Variants in PCBP3 observed in about 807,000 individuals in gnomAD.
The protein encoded by PCBP3 is poly(rC)-binding protein 3.
PCBP3 carries 25 observed loss-of-function variants against 52.7 expected under a neutral mutation model. The ratio of observed to expected loss-of-function variants is 0.47; its 90% CI spans 0.35 to 0.66. PCBP3 has a LOEUF of 0.66. Among genes scored for constraint, PCBP3 ranks in the 30% least tolerant of loss-of-function variants. The pLI is 0.01. For missense variants in PCBP3, 391 were observed against 490.3 expected (o/e 0.80, Z 1.91); for synonymous variants, 162 against 183.0 (o/e 0.89, Z 0.93).
chr21:45,669,194 C>T (rs769093374), intron 2 of PCBP3, among the ~76,000 whole-genome samples: 6 of 152,054 alleles, frequency 3.9e-5, no homozygotes, highest in Non-Finnish European at 7.4e-5. Context: ...CATGCTCTCT[C>T]TTATATTTCT....
At chr21:45,687,603 C>G (rs1326068505) in intron 2 of PCBP3, among the ~76,000 whole-genome samples, 1 of 151,794 alleles carries the variant, frequency 6.6e-6, no homozygotes, top group Non-Finnish European at 1.5e-5. Context: ...AAGGCAAAGA[C>G]AGGATAAAAA....
intron 4 of PCBP3, chr21:45,760,100 G>T (rs1024000525): frequency 6.6e-6 from 1 of 152,074 alleles, no homozygotes; most frequent in Admixed American, 6.5e-5. Flanking sequence ...AGGAATTATA[G>T]AAAAATAAAT....
intron 10 of PCBP3, among the ~76,000 whole-genome samples, chr21:45,910,264 T>C (rs2096358732): frequency 7.8e-6 from 1 of 127,676 alleles, no homozygotes; most frequent in African/African-American, 3.0e-5. Flanking sequence ...CACCTATGGA[T>C]CCTGCCCACC....
intron 4 of PCBP3, among the ~76,000 whole-genome samples, chr21:45,770,385 T>A (rs1398665810): frequency 6.6e-6 from 1 of 152,212 alleles, no homozygotes; most frequent in African/African-American, 2.4e-5. Flanking sequence ...TTCTTTTCCT[T>A]CTTGTCTCTG....
chr21:45,761,601 T>A (rs2088667016), intron 4 of PCBP3: 1 of 152,308 alleles, frequency 6.6e-6, no homozygotes, highest in Non-Finnish European at 1.5e-5. Flanking sequence ...CAGTCTGGCG[T>A]CTCTCTTTCA....
intron 4 of PCBP3, among the ~76,000 whole-genome samples, chr21:45,806,520 CT>C (rs2092507222): frequency 6.6e-6 from 1 of 151,752 alleles, no homozygotes; most frequent in African/African-American, 2.4e-5. Flanking sequence ...TATTTTTACT[CT>C]AGAATTATGC....
Position 45,870,479 on chromosome 21 carries a change from C to A in PCBP3, c.10+20384C>A, listed in dbSNP as rs533514718. On this transcript the variant is annotated intron_variant, in intron 5 of 17. Coordinates refer to ENST00000681687, the MANE Select transcript of PCBP3 (RefSeq NM_001384156.1). Reference sequence around the variant, plus strand: ...ACCCTTCCTAGGGCAGCAGGGAGGCCGGGAGCTGCGTCTCCTGCTTCCCTC... The same window carrying A: ...ACCCTTCCTAGGGCAGCAGGGAGGCAGGGAGCTGCGTCTCCTGCTTCCCTC... Among the ~76,000 whole-genome samples the A allele has an allele frequency of 2.0e-5, 3 of 152,336 alleles. No individual in the cohort carries two copies. In the South Asian group the frequency reaches 6.2e-4, roughly 32 times the overall value.
Position 45,698,309 on chromosome 21 carries a change from A to G in PCBP3, c.-200+29357A>G, listed in dbSNP as rs576682719. 6.6e-5 allele frequency among the ~76,000 whole-genome samples: 10 copies of G among 152,294 alleles called. No homozygotes were observed. In the East Asian group the frequency reaches 1.9e-3, roughly 29 times the overall value. The stretch of plus-strand genomic sequence containing the variant: ...TCTTCTCTGATTATGCATACCTGAC[A>G]CTGTATGGCATTGAAGACATTTGTG... On this transcript the variant is annotated intron_variant, in intron 2 of 17. Transcript: ENST00000681687.
At chr21:45,715,689 A>G (rs1476889768) in intron 2 of PCBP3, among the ~76,000 whole-genome samples, 1 of 152,216 alleles carries the variant, frequency 6.6e-6, no homozygotes, top group African/African-American at 2.4e-5. Flanking sequence ...GTGAATGTGA[A>G]GTAGTATATC....
At chr21:45,861,626 C>A (rs746609908) in intron 5 of PCBP3, among the ~76,000 whole-genome samples, 1 of 152,124 alleles carries the variant, frequency 6.6e-6, no homozygotes, top group Non-Finnish European at 1.5e-5. Context: ...CCTCTTCTTC[C>A]CTGACCCCTC....
intron 4 of PCBP3, among the ~76,000 whole-genome samples, chr21:45,823,466 G>A (rs2093208718): frequency 1.3e-5 from 2 of 152,150 alleles, no homozygotes; most frequent in African/African-American, 4.8e-5. Flanking sequence ...CCCCAGGCGT[G>A]GACTTTCCGC....
At chr21:45,825,151 C>A (rs1189950661) in intron 4 of PCBP3, among the ~76,000 whole-genome samples, 1 of 152,086 alleles carries the variant, frequency 6.6e-6, no homozygotes, top group African/African-American at 2.4e-5. Flanking sequence ...TGATGCCAAG[C>A]CCTTGCTCTG....
chr21:45,832,242 T>G (rs1442534273), intron 4 of PCBP3, among the ~76,000 whole-genome samples: 1 of 152,202 alleles, frequency 6.6e-6, no homozygotes. Flanking sequence ...GTTATGGTGC[T>G]GGTGAGAGTG....
At chr21:45,892,172 C>T (rs187521402) in intron 5 of PCBP3, among the ~76,000 whole-genome samples, 6 of 152,226 alleles carry the variant, frequency 3.9e-5, no homozygotes, top group Admixed American at 1.3e-4. Flanking sequence ...ACGAGGTGGG[C>T]GCTGTCACAG....
At chr21:45,759,961 G>A (rs2088464065) in intron 4 of PCBP3, 1 of 152,174 alleles carries the variant, frequency 6.6e-6, no homozygotes, top group Admixed American at 6.5e-5. Flanking sequence ...GGAGAAGATA[G>A]CTGGATAATA....
Position 45,896,114 on chromosome 21 carries a change from C to A in PCBP3, c.11-94C>A, listed in dbSNP as rs534724227. 2.1e-5 allele frequency: 26 copies of A among 1,230,698 alleles called. No individual in the cohort carries two copies. In the South Asian group the frequency reaches 3.0e-4, roughly 14 times the overall value. 76.2% of individuals were successfully genotyped at this position (1,230,698 alleles called of 1,614,324 possible). On this transcript the variant is annotated intron_variant, in intron 5 of 17. Coordinates refer to ENST00000681687, the MANE Select transcript of PCBP3 (RefSeq NM_001384156.1). ...GTGGGCAACCCCATTCTCCTGCCAC[C>A]CGGGAGGCCGGAGTGGGAGCGGCCC...
chr21:45,708,092 G>T (rs1198616141), intron 2 of PCBP3, among the ~76,000 whole-genome samples: 2 of 152,198 alleles, frequency 1.3e-5, no homozygotes, highest in Non-Finnish European at 2.9e-5. Flanking sequence ...GAGATAGCCT[G>T]ACTCAGCATA....
Position 45,827,475 on chromosome 21 carries a change from G to A in PCBP3, c.-125-22486G>A, listed in dbSNP as rs552898659. ...ACACCCAGATGACATGGGCACCGAA[G>A]TTACCCAACAGGGCTTTTAAAAAAG... is the stretch of plus-strand genomic sequence containing the variant. On this transcript the variant is annotated intron_variant, in intron 4 of 17. Transcript: ENST00000681687. This position sits in a 1 kb window ranked among gnomAD's most constrained non-coding sequence, Gnocchi z 4.3. 7.9e-4 allele frequency among the ~76,000 whole-genome samples: 120 copies of A among 152,196 alleles called. No homozygotes were observed. The highest frequency in any genetic ancestry group is 2.8e-3 in the African/African-American group (115 of 41,522).
Position 45,762,481 on chromosome 21 carries a change from C to CTTCTCTT in PCBP3, c.-126+7031_-126+7032insCTCTTTT, listed in dbSNP as rs1440812461. The CTTCTCTT allele has an allele frequency of 2.7e-3, 285 of 105,896 alleles. 1 individual carries two copies. Among genetic ancestry groups the CTTCTCTT allele is most frequent in the African/African-American group, 8.4e-3 (266 of 31,830 alleles). The allele number at this position is 105,896 out of a possible 1,614,324, so 6.6% of individuals were successfully genotyped here. A position where few individuals can be genotyped will look rare whatever the true frequency, so the allele number is the denominator to read the frequency against. On this transcript the variant is annotated intron_variant, in intron 4 of 17. Transcript: ENST00000681687. The stretch of plus-strand genomic sequence containing the variant: ...TAATTGTGCTTCACCTTTTTCTTTT[C>CTTCTCTT]TTTTCTTCTCTTTTTTTTTTTTTTT...
Sources: allele counts gnomAD v4.1 joint callset (sites outside exome capture counted in the v4.1 genomes callset), GRCh38; gene constraint gnomAD v4.1.1; non-coding constraint Gnocchi (gnomAD v3.1); transcripts MANE v1.5; gene names NCBI Gene and HGNC (gene_info 2026-07-23, HGNC 2026-07-21).